The following MAP2K5 variants were observed in gnomAD, a reference collection of about 807,000 sequenced individuals.
MAP2K5 encodes the protein dual specificity mitogen-activated protein kinase kinase 5.
A neutral mutation model predicts 83.1 loss-of-function variants in MAP2K5; 49 were observed. That is an observed-to-expected ratio of 0.59 (90% CI 0.47 to 0.75). The LOEUF is 0.75. Among genes scored for constraint, MAP2K5 ranks in the 30% least tolerant of loss-of-function variants. The pLI is 0.00. For missense variants in MAP2K5, 457 were observed against 557.5 expected (o/e 0.82, Z 1.82); for synonymous variants, 202 against 191.8 (o/e 1.05, Z -0.44).
Position 67,587,047 on chromosome 15 carries a change from A to T in MAP2K5, c.431+134A>T. ...GTATTGACCAAAGAGAAAGGACCTC[A>T]TATGGAAAGATGAATGTTTAGATTT... On this transcript the variant is annotated intron_variant, in intron 6 of 21. Coordinates refer to ENST00000178640, the MANE Select transcript of MAP2K5 (RefSeq NM_145160.3). This position sits in a 1 kb window ranked among gnomAD's most constrained non-coding sequence, Gnocchi z 4.8. The T allele has an allele frequency of 1.2e-6, 1 of 815,950 alleles. No homozygotes were observed. Among genetic ancestry groups the T allele is most frequent in the South Asian group, 1.4e-5 (1 of 69,174 alleles). 50.5% of individuals were successfully genotyped at this position (815,950 alleles called of 1,614,324 possible).
intron 19 of MAP2K5, among the ~76,000 whole-genome samples, chr15:67,763,556 C>T (rs980618233): frequency 2.0e-5 from 3 of 152,134 alleles, no homozygotes; most frequent in African/African-American, 4.8e-5. Flanking sequence ...TTAGTTTGCA[C>T]CTTGGACAGG....
chr15:67,771,422 G>T (rs564146876), intron 20 of MAP2K5, among the ~76,000 whole-genome samples: 1 of 152,232 alleles, frequency 6.6e-6, no homozygotes, highest in East Asian at 1.9e-4. Flanking sequence ...AGTGGATAAG[G>T]CTTCACCTCC....
chr15:67,691,366 A>G (rs1311771851), intron 13 of MAP2K5, among the ~76,000 whole-genome samples: 2 of 152,244 alleles, frequency 1.3e-5, no homozygotes, highest in African/African-American at 4.8e-5. Flanking sequence ...TGCCTGTCAC[A>G]TAAGTATGAT....
At chr15:67,581,168 C>T (rs1238967621) in intron 4 of MAP2K5, among the ~76,000 whole-genome samples, 1 of 152,058 alleles carries the variant, frequency 6.6e-6, no homozygotes, top group African/African-American at 2.4e-5. Context: ...ATGATGGTGG[C>T]CAAAGCTGCT....
In MAP2K5 at chr15:67,563,254, T is replaced by C; in HGVS notation, c.185-29T>C. On this transcript the variant is annotated intron_variant, in intron 2 of 21. Transcript: ENST00000178640. The surrounding 1 kb of genome is among the most constrained non-coding windows in gnomAD (Gnocchi z 4.5). Reference sequence around the variant, plus strand: ...TTGTGCATTAAACAAATGCACACCTTATCATTTGCATTATGTGCTTTTAAA... The same window carrying C: ...TTGTGCATTAAACAAATGCACACCTCATCATTTGCATTATGTGCTTTTAAA... 6.2e-7 allele frequency: 1 copy of C among 1,603,880 alleles called. No individual in the cohort carries two copies. The highest frequency in any genetic ancestry group is 8.5e-7 in the Non-Finnish European group (1 of 1,177,078).
At chr15:67,707,413 A>G (rs1234396369) in intron 16 of MAP2K5, among the ~76,000 whole-genome samples, 2 of 152,240 alleles carry the variant, frequency 1.3e-5, no homozygotes, top group Non-Finnish European at 2.9e-5. Context: ...AATCTGAGGA[A>G]CAAAGTGCAT....
chr15:67,720,702 A>G lies in MAP2K5; in HGVS notation c.1045-7214A>G, dbSNP rs187014785. ...TGAGGAAGTTGCCTTGCAGAGCGCTATCAATCACTCAGTGACCATAACTTC... is the reference window on the plus strand; with the variant it reads ...TGAGGAAGTTGCCTTGCAGAGCGCTGTCAATCACTCAGTGACCATAACTTC... On this transcript the variant is annotated intron_variant, in intron 16 of 21. Transcript: ENST00000178640. The surrounding 1 kb of genome is among the most constrained non-coding windows in gnomAD (Gnocchi z 5.7). Among the ~76,000 whole-genome samples the G allele has an allele frequency of 7.2e-5, 11 of 152,310 alleles. No individual in the cohort carries two copies. The East Asian group carries it at 1.5e-3, about 21-fold the overall frequency.
Position 67,747,260 on chromosome 15 carries a change from A to G in MAP2K5, c.1075-971A>G, listed in dbSNP as rs996432764. Among the ~76,000 whole-genome samples the G allele has an allele frequency of 2.0e-5, 3 of 152,232 alleles. No homozygotes were observed. The highest frequency in any genetic ancestry group is 4.4e-5 in the Non-Finnish European group (3 of 68,044). On this transcript the variant is annotated intron_variant, in intron 17 of 21. Transcript: ENST00000178640. This position sits in a 1 kb window ranked among gnomAD's most constrained non-coding sequence, Gnocchi z 4.1. The stretch of plus-strand genomic sequence containing the variant: ...TTTTTTAAAACACCTTTAAAAACAT[A>G]TAAGGGATTATTACTAGTTTCCCTG...
At chr15:67,739,456 ATATATATTTTTTTTTTTTTTTTTTTTTTT>A (rs2089437174) in intron 17 of MAP2K5, among the ~76,000 whole-genome samples, 7 of 17,192 alleles carry the variant, frequency 4.1e-4, no homozygotes, top group African/African-American at 1.2e-3. Flanking sequence ...ATATATATAT[ATATATATTTTTTTTTTTTTTTTTTTTTTT>A]TTTTTTTTTT....
chr15:67,605,449 C>G (rs1192819182), intron 8 of MAP2K5, among the ~76,000 whole-genome samples: 1 of 152,146 alleles, frequency 6.6e-6, no homozygotes, highest in Non-Finnish European at 1.5e-5. Context: ...CATTATACTT[C>G]TGTATTTTCT....
intron 11 of MAP2K5, among the ~76,000 whole-genome samples, chr15:67,648,510 A>G (rs1007129796): frequency 7.2e-5 from 11 of 151,916 alleles, no homozygotes; most frequent in African/African-American, 1.7e-4. Context: ...TACTTTATGC[A>G]TAATTATGAA....
At position 67,769,737 on chromosome 15, in the gene MAP2K5, C is replaced by G; in HGVS notation, c.1196+74C>G. ...CCATTAACTCGGCAGCTCCGTGAGACCTTATGGCTCTCCCTGCATCCTTTT... is the reference window on the plus strand; with the variant it reads ...CCATTAACTCGGCAGCTCCGTGAGAGCTTATGGCTCTCCCTGCATCCTTTT... On this transcript the variant is annotated intron_variant, in intron 20 of 21. Coordinates refer to ENST00000178640, the MANE Select transcript of MAP2K5 (RefSeq NM_145160.3). This position sits in a 1 kb window ranked among gnomAD's most constrained non-coding sequence, Gnocchi z 5.2. 7.0e-7 allele frequency: 1 copy of G among 1,435,640 alleles called. No individual in the cohort carries two copies. The highest frequency in any genetic ancestry group is 9.8e-7 in the Non-Finnish European group (1 of 1,022,934). The allele number at this position is 1,435,640 out of a possible 1,614,324, so 88.9% of individuals were successfully genotyped here.
chr15:67,619,050 C>G (rs2086119728), intron 8 of MAP2K5, among the ~76,000 whole-genome samples: 1 of 152,170 alleles, frequency 6.6e-6, no homozygotes, highest in Non-Finnish European at 1.5e-5. Flanking sequence ...CCTCATCTCC[C>G]CCAGCTAGCC....
At chr15:67,693,591 A>T in intron 15 of MAP2K5, 23 bp downstream of exon 15, 1 of 1,555,168 alleles carries the variant, frequency 6.4e-7, no homozygotes, top group Non-Finnish European at 8.9e-7. Context: ...ATGCAAAAAT[A>T]ATGTTTAAAA....
chr15:67,752,183 A>C (rs572381648), intron 19 of MAP2K5, among the ~76,000 whole-genome samples: 3 of 151,888 alleles, frequency 2.0e-5, no homozygotes, highest in Non-Finnish European at 4.4e-5. Context: ...CTCCTGTCCC[A>C]GCCTCCCGAG....
At position 67,668,688 on chromosome 15, in the gene MAP2K5, G is replaced by A. The variant is rs574094013; in HGVS notation, c.847+4043G>A. ...CTTGGGAAGATGTGAGAATGCCCTG[G>A]TAGTAACTGCTGTCTCTTTCCCTGA... is the stretch of plus-strand genomic sequence containing the variant. On this transcript the variant is annotated intron_variant, in intron 13 of 21. Transcript: ENST00000178640. This position sits in a 1 kb window ranked among gnomAD's most constrained non-coding sequence, Gnocchi z 4.0. Among the ~76,000 whole-genome samples, 1 of 152,168 alleles carries A rather than the reference G, an allele frequency of 6.6e-6. No individual in the cohort carries two copies. Among genetic ancestry groups the A allele is most frequent in the Non-Finnish European group, 1.5e-5 (1 of 67,992 alleles).
rs542078824 is a variant in MAP2K5 at position 67,690,127 on chromosome 15, C to A, written c.848-2352C>A. Among the ~76,000 whole-genome samples the A allele has an allele frequency of 2.0e-5, 3 of 152,030 alleles. No homozygotes were observed. Among genetic ancestry groups the A allele is most frequent in the Non-Finnish European group, 4.4e-5 (3 of 68,018 alleles). On this transcript the variant is annotated intron_variant, in intron 13 of 21. Coordinates refer to ENST00000178640, the MANE Select transcript of MAP2K5 (RefSeq NM_145160.3). The surrounding 1 kb of genome is among the most constrained non-coding windows in gnomAD (Gnocchi z 4.3). ...CAGGGAAGCCAAAAGATTGTACACC[C>A]CTAGTTTAGGACATCAATATGTAAA... is the stretch of plus-strand genomic sequence containing the variant.
At position 67,736,233 on chromosome 15, in the gene MAP2K5, A is replaced by G. The variant is rs1031732090; in HGVS notation, c.1074+8288A>G. ...TGAGAATTTTGTACATCCCCTTGAC[A>G]TGACTGGGGCTGATCTGAGGTTGGA... On this transcript the variant is annotated intron_variant, in intron 17 of 21. Coordinates refer to ENST00000178640, the MANE Select transcript of MAP2K5 (RefSeq NM_145160.3). The surrounding 1 kb of genome is among the most constrained non-coding windows in gnomAD (Gnocchi z 4.3). Among the ~76,000 whole-genome samples, 1 of 152,200 alleles carries G rather than the reference A, an allele frequency of 6.6e-6. No homozygotes were observed. Among genetic ancestry groups the G allele is most frequent in the Non-Finnish European group, 1.5e-5 (1 of 68,042 alleles).
Position 67,769,715 on chromosome 15 carries a change from T to C in MAP2K5, c.1196+52T>C. ...CCCTCAATGTAAATGATACATGCCATTAACTCGGCAGCTCCGTGAGACCTT... is the reference window on the plus strand; with the variant it reads ...CCCTCAATGTAAATGATACATGCCACTAACTCGGCAGCTCCGTGAGACCTT... On this transcript the variant is annotated intron_variant, in intron 20 of 21. Transcript: ENST00000178640. The surrounding 1 kb of genome is among the most constrained non-coding windows in gnomAD (Gnocchi z 5.2). The C allele has an allele frequency of 6.3e-7, 1 of 1,577,098 alleles. No individual in the cohort carries two copies. The highest frequency in any genetic ancestry group is 8.7e-7 in the Non-Finnish European group (1 of 1,147,296).
Sources: gnomAD v4.1 joint callset for allele counts (sites outside exome capture counted in the v4.1 genomes callset) on GRCh38, gnomAD v4.1.1 for gene constraint, Gnocchi (gnomAD v3.1) non-coding constraint, MANE v1.5 for transcripts, NCBI Gene and HGNC (gene_info 2026-07-23, HGNC 2026-07-21) for gene names.